BEGAIN: variants seen among roughly 807,000 people sequenced by gnomAD.
BEGAIN encodes brain enriched guanylate kinase associated, also known as brain-enriched guanylate kinase-associated protein.
In BEGAIN, 19 loss-of-function variants were observed where a neutral mutation model predicts 35.8. That is an observed-to-expected ratio of 0.53 (90% CI 0.37 to 0.78). The LOEUF (loss-of-function observed/expected upper bound fraction) is 0.78. Ranked by LOEUF, BEGAIN falls within the 30% of genes least tolerant of loss-of-function variation. The probability of loss-of-function intolerance (pLI) is 0.00; values close to 1 mark genes in which losing one functional copy is unlikely to be tolerated. For missense variants in BEGAIN, 795 were observed against 853.6 expected (o/e 0.93, Z 0.85); for synonymous variants, 462 against 388.6 (o/e 1.19, Z -2.22).
chr14:100,550,378 G>T (rs538598358), intron 2 of BEGAIN: 51 of 399,028 alleles, frequency 1.3e-4, no homozygotes, highest in Middle Eastern at 1.3e-3. Flanking sequence ...GGGGACAGAC[G>T]CAGAGACACC....
chr14:100,585,226 TCCATCCC>T (rs2035410490), intron 1 of BEGAIN, among the ~76,000 whole-genome samples: 1 of 100,774 alleles, frequency 9.9e-6, no homozygotes, highest in Non-Finnish European at 2.0e-5. Context: ...CATCCATCCA[TCCATCCC>T]TCCCTCCCTC....
In BEGAIN at chr14:100,568,154, C is replaced by T; in HGVS notation, c.43-215G>A. 1.1e-6 allele frequency: 1 copy of T among 938,778 alleles called. No homozygotes were observed. Among genetic ancestry groups the T allele is most frequent in the Non-Finnish European group, 1.3e-6 (1 of 782,956 alleles). 58.2% of individuals were successfully genotyped at this position (938,778 alleles called of 1,614,324 possible). A position where few individuals can be genotyped will look rare whatever the true frequency, so the allele number is the denominator to read the frequency against. On this transcript the variant is annotated intron_variant, in intron 1 of 6. Coordinates refer to ENST00000554140, the MANE Select transcript of BEGAIN (RefSeq NM_001385089.1). This position sits in a 1 kb window ranked among gnomAD's most constrained non-coding sequence, Gnocchi z 7.5. The stretch of plus-strand genomic sequence containing the variant: ...GCGGCCGAGTAACAGGTGAGCCCGC[C>T]CGGGCCGCCGCGCTCCCCGCACCGA...
At position 100,570,759 on chromosome 14, in the gene BEGAIN, G is replaced by A. The variant is rs533835500; in HGVS notation, c.43-2820C>T. ...CAGTCTCCCATGAGGCTCCTGCACG[G>A]GCCCAGCACCCCGGGTGCAAGTTTT... On this transcript the variant is annotated intron_variant, in intron 1 of 6. Transcript: ENST00000554140. Among the ~76,000 whole-genome samples, 5 of 152,116 alleles carry A rather than the reference G, an allele frequency of 3.3e-5. No homozygotes were observed. In the South Asian group the frequency reaches 8.3e-4, roughly 25 times the overall value.
rs1228280645 is a variant in BEGAIN at position 100,587,245 on chromosome 14, T to C, written c.42+4A>G. 5.2e-6 allele frequency: 1 copy of C among 192,314 alleles called. No individual in the cohort carries two copies. Among genetic ancestry groups the C allele is most frequent in the Non-Finnish European group, 1.1e-5 (1 of 94,946 alleles). The allele number at this position is 192,314 out of a possible 1,614,324, so 11.9% of individuals were successfully genotyped here. Reference sequence around the variant, plus strand: ...CCCTGCCCTCCCGGCTCGCAGGTACTCACCGCCCGGCGCAGCCGGCCCGGC... The same window carrying C: ...CCCTGCCCTCCCGGCTCGCAGGTACCCACCGCCCGGCGCAGCCGGCCCGGC... On this transcript the variant is annotated splice_donor_region_variant and intron_variant, in intron 1 of 6. Transcript: ENST00000554140.
In BEGAIN at chr14:100,568,570, G is replaced by T; in HGVS notation, c.43-631C>A. The stretch of plus-strand genomic sequence containing the variant: ...CCAGGGATTAACCCGTGAGCGCCCG[G>T]CTCGCCGGCGGGGCTCCCTGCCTTG... On this transcript the variant is annotated intron_variant, in intron 1 of 6. Transcript: ENST00000554140. This position sits in a 1 kb window ranked among gnomAD's most constrained non-coding sequence, Gnocchi z 7.5. 1 of 1,244,706 alleles carries T rather than the reference G, an allele frequency of 8.0e-7. No individual in the cohort carries two copies. The highest frequency in any genetic ancestry group is 1.0e-6 in the Non-Finnish European group (1 of 955,716). The allele number at this position is 1,244,706 out of a possible 1,614,324, so 77.1% of individuals were successfully genotyped here.
intron 1 of BEGAIN, chr14:100,569,070 C>G: frequency 2.7e-6 from 1 of 376,764 alleles, no homozygotes; most frequent in Non-Finnish European, 3.7e-6. Context: ...GCCCCGGGGC[C>G]TCGGCCAGGC....
intron 5 of BEGAIN, among the ~76,000 whole-genome samples, chr14:100,541,777 G>A (rs1360664948): frequency 6.6e-6 from 1 of 152,206 alleles, no homozygotes; most frequent in Non-Finnish European, 1.5e-5. Context: ...AAGCCCCTGG[G>A]CTGTCCATGT....
intron 1 of BEGAIN, among the ~76,000 whole-genome samples, chr14:100,585,892 T>C (rs904441613): frequency 6.6e-6 from 1 of 152,248 alleles, no homozygotes; most frequent in Non-Finnish European, 1.5e-5. Context: ...CAGCCGCCCA[T>C]CGCCCAGAGC....
At chr14:100,551,258 T>G (rs2140590365) in intron 2 of BEGAIN, among the ~76,000 whole-genome samples, 1 of 152,350 alleles carries the variant, frequency 6.6e-6, no homozygotes, top group Non-Finnish European at 1.5e-5. Flanking sequence ...GTTGGCCTGC[T>G]GGAGGACACA....
chr14:100,546,780 G>GCA (rs879183769), intron 2 of BEGAIN, 118 bp from the exon 3 acceptor site: 35,902 of 340,850 alleles, frequency 0.11, 1,047 homozygotes, highest in Non-Finnish European at 0.12. Flanking sequence ...GCGCGCGCGC[G>GCA]CACACACACA....
At chr14:100,556,940 C>A (rs1338291738) in intron 2 of BEGAIN, among the ~76,000 whole-genome samples, 4 of 152,366 alleles carry the variant, frequency 2.6e-5, no homozygotes, top group Admixed American at 1.3e-4. Context: ...CCCCACTGAT[C>A]TCCATCCAAC....
intron 1 of BEGAIN, chr14:100,569,194 G>T: frequency 6.6e-6 from 1 of 152,578 alleles, no homozygotes; most frequent in Non-Finnish European, 1.5e-5. Flanking sequence ...GCGCTCCACT[G>T]CCCTTCCGCA....
chr14:100,546,813 C>G (rs2032579067), intron 2 of BEGAIN, 151 bp from the exon 3 acceptor site: 1 of 575,170 alleles, frequency 1.7e-6, no homozygotes, highest in Non-Finnish European at 2.6e-6. Flanking sequence ...CACACACACA[C>G]TCACACACAC....
At chr14:100,551,036 GT>G (rs2033142840) in intron 2 of BEGAIN, among the ~76,000 whole-genome samples, 3 of 152,238 alleles carry the variant, frequency 2.0e-5, no homozygotes, top group African/African-American at 7.2e-5. Context: ...GCAGGGCTGG[GT>G]TCCTGGCGTG....
At chr14:100,544,665 T>A (rs115762638) in intron 4 of BEGAIN, among the ~76,000 whole-genome samples, 219 of 152,222 alleles carry the variant, frequency 1.4e-3, no homozygotes, top group African/African-American at 5.1e-3. Flanking sequence ...AGGGCCTGAA[T>A]TCGGGCCTCC....
intron 2 of BEGAIN, among the ~76,000 whole-genome samples, chr14:100,561,150 T>C (rs2034215926): frequency 6.6e-6 from 1 of 151,994 alleles, no homozygotes; most frequent in African/African-American, 2.4e-5. Context: ...CGACGGCCCC[T>C]GGGGAAAAGT....
rs1284356360 is a variant in BEGAIN, at chr14:100,538,435, G to A, written c.1373C>T (p.Ala458Val). ...GCGTTCAGAGAAGCTGCAGGGTGAG[G>A]CGCGGCCGGCAGCGCTCACGGGGTA... is the stretch of plus-strand genomic sequence containing the variant. ...YSYPVSAAGR[A>V]SPCSFSERYY... The change falls in exon 7 of 7, where the codon GCC (alanine) becomes GTC (valine). Residue 458 changes from alanine (A) to valine (V), a missense_variant. This residue lies in a region of BEGAIN where 664 missense variants were observed against 647.7 expected (regional missense o/e 1.03). Coordinates refer to ENST00000554140, the MANE Select transcript of BEGAIN (RefSeq NM_001385089.1). 3.1e-6 allele frequency: 5 copies of A among 1,588,040 alleles called. No individual in the cohort carries two copies. The highest frequency in any genetic ancestry group is 4.3e-6 in the Non-Finnish European group (5 of 1,169,568).
chr14:100,581,243 A>G (rs1001544421), intron 1 of BEGAIN, among the ~76,000 whole-genome samples: 13 of 152,166 alleles, frequency 8.5e-5, no homozygotes, highest in Non-Finnish European at 1.6e-4. Context: ...TTTCACTAGC[A>G]CGCATGGTTG....
chr14:100,540,816 G>T (rs1484325662), intron 5 of BEGAIN, among the ~76,000 whole-genome samples: 8 of 152,220 alleles, frequency 5.3e-5, no homozygotes, highest in Non-Finnish European at 1.0e-4. Flanking sequence ...CGCTGCCCTA[G>T]CTGGTGCCCT....
Sources: allele counts gnomAD v4.1 joint callset (sites outside exome capture counted in the v4.1 genomes callset), GRCh38; gene constraint gnomAD v4.1.1; regional missense constraint gnomAD v4.1.1; non-coding constraint Gnocchi (gnomAD v3.1); transcripts MANE v1.5; gene names NCBI Gene and HGNC (gene_info 2026-07-23, HGNC 2026-07-21).